The following NTM variants were observed in gnomAD, a reference collection of about 807,000 sequenced individuals.
NTM encodes the protein neurotrimin.
In NTM, 13 loss-of-function variants were observed where a neutral mutation model predicts 42.1. The observed-to-expected ratio is 0.31, with a 90% confidence interval of 0.20 to 0.49. NTM has a LOEUF of 0.49. NTM is among the 20% of genes least tolerant of loss of function. The pLI is 0.99. For synonymous variants in NTM, 187 were observed against 179.2 expected, an observed-to-expected ratio of 1.04 and a Z score of -0.35; for missense variants, 373 against 452.8, an observed-to-expected ratio of 0.82 and a Z score of 1.60.
At chr11:131,932,270 C>T (rs941770481) in intron 2 of NTM, among the ~76,000 whole-genome samples, 42 of 152,080 alleles carry the variant, frequency 2.8e-4, no homozygotes, top group African/African-American at 9.4e-4. Flanking sequence ...TGGAGTGGGG[C>T]GGGTCGATGG....
chr11:132,331,057 C>T (rs553889828), intron 8 of NTM, among the ~76,000 whole-genome samples: 77 of 152,340 alleles, frequency 5.1e-4, no homozygotes, highest in African/African-American at 7.0e-4. Context: ...CCCAGTGGCA[C>T]GCCTGCGGTT....
chr11:131,841,749 G>A (rs1443180393), intron 1 of NTM, among the ~76,000 whole-genome samples: 1 of 152,180 alleles, frequency 6.6e-6, no homozygotes, highest in Non-Finnish European at 1.5e-5. Flanking sequence ...ACGAGGAAGA[G>A]CCCCCTGAGC....
At chr11:132,268,694 G>GTA (rs2093340047) in intron 4 of NTM, among the ~76,000 whole-genome samples, 3 of 151,586 alleles carry the variant, frequency 2.0e-5, no homozygotes, top group Non-Finnish European at 4.4e-5. Context: ...GTGTGTGTGT[G>GTA]TGTGTTTTAG....
intron 1 of NTM, among the ~76,000 whole-genome samples, chr11:131,569,664 A>G (rs1253332247): frequency 6.7e-6 from 1 of 148,738 alleles, no homozygotes; most frequent in African/African-American, 2.5e-5. Context: ...TACATTCTCA[A>G]ACTCCTGGGC....
At chr11:131,374,816 T>A (rs1457945908) in intron 1 of NTM, among the ~76,000 whole-genome samples, 1 of 152,218 alleles carries the variant, frequency 6.6e-6, no homozygotes, top group African/African-American at 2.4e-5. Context: ...ATGGGGCACA[T>A]GATTCTGACG....
At chr11:132,164,336 A>G (rs1336445491) in intron 3 of NTM, among the ~76,000 whole-genome samples, 1 of 152,210 alleles carries the variant, frequency 6.6e-6, no homozygotes, top group South Asian at 2.1e-4. Flanking sequence ...AAAAAGTGCC[A>G]TAATCTAGCT....
At chr11:132,237,935 C>T (rs2089382492) in intron 4 of NTM, among the ~76,000 whole-genome samples, 1 of 152,156 alleles carries the variant, frequency 6.6e-6, no homozygotes, top group Admixed American at 6.5e-5. Flanking sequence ...ATAATATTAG[C>T]TCTGAGCCGT....
rs77642478 is a variant in NTM, at chr11:132,257,482, C to T, written c.526+45335C>T. On this transcript the variant is annotated intron_variant, in intron 4 of 8. Coordinates refer to ENST00000683400, the MANE Select transcript of NTM (RefSeq NM_001352005.2). ...AAGAGCTAACGGCATCTGTCCATCC[C>T]GGGAAGCTGGAGCGGGGAGGGACAG... Among the ~76,000 whole-genome samples the T allele has an allele frequency of 3.7e-3, 564 of 152,270 alleles. 3 individuals carry two copies. The highest frequency in any genetic ancestry group is 0.014 in the Middle Eastern group (4 of 294).
At chr11:131,553,605 C>T (rs1056466184) in intron 1 of NTM, among the ~76,000 whole-genome samples, 1 of 152,308 alleles carries the variant, frequency 6.6e-6, no homozygotes, top group South Asian at 2.1e-4. Flanking sequence ...GGAAACTTAT[C>T]TTCACCCTTC....
intron 1 of NTM, among the ~76,000 whole-genome samples, chr11:131,703,816 T>C (rs924488021): frequency 6.6e-6 from 1 of 152,118 alleles, no homozygotes; most frequent in Non-Finnish European, 1.5e-5. Flanking sequence ...GTGAGTAGCA[T>C]ACGTTGCTGC....
At chr11:132,334,351 C>T (rs545096107) in intron 8 of NTM, among the ~76,000 whole-genome samples, 5 of 152,236 alleles carry the variant, frequency 3.3e-5, no homozygotes, top group Non-Finnish European at 7.3e-5. Context: ...CATCCACATG[C>T]ACAGGAAGGC....
intron 1 of NTM, among the ~76,000 whole-genome samples, chr11:131,891,611 TCCA>T (rs1179084950): frequency 6.6e-6 from 1 of 151,968 alleles, no homozygotes; most frequent in Non-Finnish European, 1.5e-5. Context: ...CTCTGCCCAC[TCCA>T]CCAGTGGCCA....
At chr11:131,834,484 G>A (rs1243140062) in intron 1 of NTM, among the ~76,000 whole-genome samples, 4 of 151,858 alleles carry the variant, frequency 2.6e-5, no homozygotes, top group Admixed American at 1.3e-4. Flanking sequence ...AGGATCTGAC[G>A]ACGTGGAGCT....
chr11:131,792,339 C>T (rs548467098), intron 1 of NTM, among the ~76,000 whole-genome samples: 19 of 152,246 alleles, frequency 1.2e-4, no homozygotes, highest in African/African-American at 4.6e-4. Flanking sequence ...GGGTGGAGAT[C>T]TGGTTTTCTG....
intron 1 of NTM, among the ~76,000 whole-genome samples, chr11:131,802,803 C>T (rs1160234789): frequency 6.6e-6 from 1 of 152,218 alleles, no homozygotes; most frequent in Non-Finnish European, 1.5e-5. Flanking sequence ...AACAAAAACT[C>T]AGTGTTATTT....
chr11:132,229,187 T>C (rs933928287), intron 4 of NTM, among the ~76,000 whole-genome samples: 1 of 152,234 alleles, frequency 6.6e-6, no homozygotes, highest in Non-Finnish European at 1.5e-5. Flanking sequence ...GGCACTCTTC[T>C]AAGTGTTTTC....
At chr11:132,113,989 C>A (rs980965972) in intron 2 of NTM, among the ~76,000 whole-genome samples, 4 of 152,170 alleles carry the variant, frequency 2.6e-5, no homozygotes, top group African/African-American at 9.6e-5. Flanking sequence ...CTTTTCATGT[C>A]ATTCTTCATC....
At position 131,581,418 on chromosome 11, in the gene NTM, A is replaced by T. The variant is rs74443461; in HGVS notation, c.82+210530A>T. Among the ~76,000 whole-genome samples the T allele has an allele frequency of 6.9e-3, 1,050 of 152,360 alleles. 13 individuals carry two copies. The highest frequency in any genetic ancestry group is 0.024 in the African/African-American group (1,009 of 41,576). ...CAGATGACGAAATTACAACGAATTT[A>T]GTTGAAAGCTCCATTTGGATTTTAC... On this transcript the variant is annotated intron_variant, in intron 1 of 8. Transcript: ENST00000683400.
At chr11:132,287,969 A>G (rs2139954690) in intron 4 of NTM, among the ~76,000 whole-genome samples, 1 of 152,372 alleles carries the variant, frequency 6.6e-6, no homozygotes, top group East Asian at 1.9e-4. Flanking sequence ...TATGTGGTTC[A>G]AGGGTATGAT....
Sources: gnomAD v4.1 joint callset for allele counts (sites outside exome capture counted in the v4.1 genomes callset) on GRCh38, gnomAD v4.1.1 for gene constraint, MANE v1.5 for transcripts, NCBI Gene and HGNC (gene_info 2026-07-23, HGNC 2026-07-21) for gene names.